Variants in ESRRB observed in about 807,000 individuals in gnomAD.
ESRRB encodes the protein steroid hormone receptor ERR2.
Under a neutral mutation model 46.0 loss-of-function variants are expected in ESRRB, and 16 were observed. The observed-to-expected ratio is 0.35, with a 90% CI of 0.24 to 0.53. ESRRB has a LOEUF of 0.53. Ranked by LOEUF, ESRRB falls within the 20% of genes least tolerant of loss-of-function variation. ESRRB has a pLI of 0.93. For synonymous variants in ESRRB, 246 were observed against 259.6 expected, an observed-to-expected ratio of 0.95 and a Z score of 0.50; for missense variants, 488 against 607.4, an observed-to-expected ratio of 0.80 and a Z score of 2.07.
intron 2 of ESRRB, among the ~76,000 whole-genome samples, chr14:76,461,257 C>T (rs4572316): frequency 0.14 from 21,705 of 152,100 alleles, 2,502 homozygotes; most frequent in African/African-American, 0.33. Context: ...GAAAACTCAT[C>T]TGTAAAATGG....
At chr14:76,427,304 G>A (rs1021927134) in intron 1 of ESRRB, among the ~76,000 whole-genome samples, 2 of 152,044 alleles carry the variant, frequency 1.3e-5, no homozygotes, top group Non-Finnish European at 2.9e-5. Context: ...GATATAGGAT[G>A]TCTCTAAGAA....
chr14:76,499,855 G>T lies in ESRRB; in HGVS notation c.*1397G>T. On this transcript the variant is annotated 3_prime_UTR_variant, in exon 7 of 7. Coordinates refer to ENST00000644823, the MANE Select transcript of ESRRB (RefSeq NM_001379180.1). ...GGGGCAGCCCTGAACACCCATTTGT[G>T]CTCACAGGTTGGCCAAGAGCAGCTT... The T allele has an allele frequency of 1.9e-6, 3 of 1,613,744 alleles. No individual in the cohort carries two copies. Among genetic ancestry groups the T allele is most frequent in the Non-Finnish European group, 2.5e-6 (3 of 1,179,616 alleles).
chr14:76,329,381 G>A (rs932575770), intron 1 of ESRRB, among the ~76,000 whole-genome samples: 2 of 152,144 alleles, frequency 1.3e-5, no homozygotes, highest in African/African-American at 4.8e-5. Flanking sequence ...CCCTCTGCAG[G>A]GAGCTGGGAG....
chr14:76,428,961 C>T (rs1171433409), intron 1 of ESRRB, among the ~76,000 whole-genome samples: 2 of 152,168 alleles, frequency 1.3e-5, no homozygotes, highest in Non-Finnish European at 2.9e-5. Context: ...AGGCAACTCT[C>T]GCTGAAGCCA....
intron 1 of ESRRB, among the ~76,000 whole-genome samples, chr14:76,342,137 T>C (rs1048386663): frequency 6.6e-6 from 1 of 152,136 alleles, no homozygotes; most frequent in Non-Finnish European, 1.5e-5. Flanking sequence ...CAGAGCGTAT[T>C]TGGGGCAACG....
chr14:76,448,389 C>A (rs555031375), intron 2 of ESRRB, among the ~76,000 whole-genome samples: 1 of 148,552 alleles, frequency 6.7e-6, no homozygotes, highest in Admixed American at 6.8e-5. Context: ...AGTGCAGTGA[C>A]GCAATCTCGG....
intron 3 of ESRRB, among the ~76,000 whole-genome samples, chr14:76,473,239 G>C (rs1324792709): frequency 6.6e-6 from 1 of 152,144 alleles, no homozygotes; most frequent in African/African-American, 2.4e-5. Flanking sequence ...AACATTGTTG[G>C]GCAGCTTAAA....
At chr14:76,446,049 A>T (rs1487484215) in intron 2 of ESRRB, among the ~76,000 whole-genome samples, 2 of 152,148 alleles carry the variant, frequency 1.3e-5, no homozygotes, top group Non-Finnish European at 2.9e-5. Context: ...GGGAGGGAAG[A>T]GGGGGAAGAT....
At position 76,396,780 on chromosome 14, in the gene ESRRB, A is replaced by G. The variant is rs188270094; in HGVS notation, c.50+20329A>G. On this transcript the variant is annotated intron_variant, in intron 1 of 6. Coordinates refer to ENST00000644823, the MANE Select transcript of ESRRB (RefSeq NM_001379180.1). Reference sequence around the variant, plus strand: ...CTTAGCCCGGAGGCTCAACTTCCGGAGGCTCAACTCCCGGAGCCAGCGCTG... The same window carrying G: ...CTTAGCCCGGAGGCTCAACTTCCGGGGGCTCAACTCCCGGAGCCAGCGCTG... Among the ~76,000 whole-genome samples, 645 of 152,274 alleles carry G rather than the reference A, an allele frequency of 4.2e-3. 7 individuals carry two copies. Among genetic ancestry groups the G allele is most frequent in the African/African-American group, 0.015 (621 of 41,560 alleles).
chr14:76,365,500 C>T (rs1419324244), intron 1 of ESRRB, among the ~76,000 whole-genome samples: 2 of 152,096 alleles, frequency 1.3e-5, no homozygotes, highest in Non-Finnish European at 2.9e-5. Flanking sequence ...AACAAACAAA[C>T]AAACAAGCCC....
chr14:76,358,648 G>A (rs148300589), intron 1 of ESRRB, among the ~76,000 whole-genome samples: 76 of 152,254 alleles, frequency 5.0e-4, no homozygotes, highest in African/African-American at 1.8e-3. Flanking sequence ...GTAAGACATG[G>A]TGATCACCTT....
chr14:76,402,625 C>T (rs892009807), intron 1 of ESRRB, among the ~76,000 whole-genome samples: 1 of 152,198 alleles, frequency 6.6e-6, no homozygotes, highest in African/African-American at 2.4e-5. Context: ...TTGAGGCTTC[C>T]AGGCACTGTC....
chr14:76,358,412 A>C, intron 1 of ESRRB, among the ~76,000 whole-genome samples: 1 of 147,580 alleles, frequency 6.8e-6, no homozygotes, highest in Non-Finnish European at 1.5e-5. Context: ...AGAAAGAAAG[A>C]AAAGAAAAGA....
intron 1 of ESRRB, among the ~76,000 whole-genome samples, chr14:76,355,838 G>A (rs1884372847): frequency 6.6e-6 from 1 of 152,130 alleles, no homozygotes; most frequent in African/African-American, 2.4e-5. Flanking sequence ...TGCACCCTCA[G>A]CCTCCTGCTC....
intron 2 of ESRRB, 52 bp from the exon 3 acceptor site, chr14:76,462,493 T>G: frequency 1.4e-6 from 2 of 1,412,602 alleles, no homozygotes; most frequent in Non-Finnish European, 1.0e-6. Flanking sequence ...CGCTGGCAGG[T>G]GGGGGCCCTG....
At chr14:76,333,701 A>T (rs901929682) in intron 1 of ESRRB, among the ~76,000 whole-genome samples, 6 of 151,706 alleles carry the variant, frequency 4.0e-5, no homozygotes, top group Non-Finnish European at 8.8e-5. Flanking sequence ...ATATATCAAA[A>T]TATTATCATT....
rs113977477 is a variant in ESRRB, at chr14:76,327,636, T to C, written c.2+16720T>C. On this transcript the variant is annotated intron_variant, in intron 1 of 6. Coordinates refer to the ESRRB transcript ENST00000512784. ...CCTGGGGAGTTAAATGAGTAGCCTA[T>C]GGCTTACGGCTGTTGAATGGCGGCA... 7.0e-4 allele frequency among the ~76,000 whole-genome samples: 106 copies of C among 152,268 alleles called. 1 individual carries two copies. Among genetic ancestry groups the C allele is most frequent in the African/African-American group, 2.5e-3 (103 of 41,552 alleles).
At chr14:76,403,651 G>A (rs1345914574) in intron 1 of ESRRB, among the ~76,000 whole-genome samples, 4 of 152,140 alleles carry the variant, frequency 2.6e-5, no homozygotes, top group Admixed American at 6.5e-5. Context: ...ACGAGGCCCC[G>A]GTGCCCTCAG....
upstream of ESRRB, among the ~76,000 whole-genome samples, chr14:76,366,878 G>A (rs1884528388): frequency 6.6e-6 from 1 of 152,160 alleles, no homozygotes; most frequent in South Asian, 2.1e-4. Context: ...AAAACAGTGA[G>A]TCTGTAACTG....
Sources: allele counts gnomAD v4.1 joint callset (sites outside exome capture counted in the v4.1 genomes callset), GRCh38; gene constraint gnomAD v4.1.1; transcripts MANE v1.5; gene names NCBI Gene and HGNC (gene_info 2026-07-23, HGNC 2026-07-21).